The following RANBP10 variants were observed in gnomAD, a reference collection of about 807,000 sequenced individuals.
The protein encoded by RANBP10 is RAN binding protein 10, also known as ran-binding protein 10.
A neutral mutation model predicts 72.8 loss-of-function variants in RANBP10; 24 were observed. The observed-to-expected ratio is 0.33, with a 90% CI of 0.24 to 0.46. RANBP10 has a LOEUF of 0.46. RANBP10 is among the 20% of genes least tolerant of loss of function. RANBP10 has a pLI of 1.00. For missense variants in RANBP10, 679 were observed against 817.5 expected, an observed-to-expected ratio of 0.83 and a Z score of 2.07; for synonymous variants, 310 against 322.3, an observed-to-expected ratio of 0.96 and a Z score of 0.41.
chr16:67,781,311 A>G (rs1053218854), intron 2 of RANBP10, among the ~76,000 whole-genome samples: 6 of 152,218 alleles, frequency 3.9e-5, no homozygotes, highest in African/African-American at 9.6e-5. Flanking sequence ...AAGGAGGTGA[A>G]TATTTGCTTC....
chr16:67,774,620 C>T (rs1040605466), intron 2 of RANBP10, among the ~76,000 whole-genome samples: 1 of 152,160 alleles, frequency 6.6e-6, no homozygotes, highest in Non-Finnish European at 1.5e-5. Flanking sequence ...GAAGCTGACA[C>T]CCACATTTGG....
intron 5 of RANBP10, 78 bp from the exon 6 acceptor site, chr16:67,735,120 T>C (rs1312278732): frequency 1.5e-6 from 2 of 1,345,752 alleles, no homozygotes; most frequent in South Asian, 1.5e-5. Flanking sequence ...CCATGGCTGC[T>C]GCTGGCCCAT....
intron 2 of RANBP10, among the ~76,000 whole-genome samples, chr16:67,789,519 G>C (rs111721260): frequency 0.08 from 12,054 of 151,332 alleles, 665 homozygotes; most frequent in Admixed American, 0.11. Flanking sequence ...GCCTAGGCTG[G>C]AGTGCAATGG....
intron 2 of RANBP10, among the ~76,000 whole-genome samples, chr16:67,786,863 G>C (rs2054926118): frequency 6.6e-6 from 1 of 151,858 alleles, no homozygotes; most frequent in Non-Finnish European, 1.5e-5. Context: ...GGAGGTGGTG[G>C]TTGAAGTGAG....
intron 3 of RANBP10, among the ~76,000 whole-genome samples, chr16:67,755,578 G>A (rs559420318): frequency 1.3e-5 from 2 of 151,546 alleles, no homozygotes; most frequent in South Asian, 4.2e-4. Flanking sequence ...CAGCTGCTCG[G>A]AAGGCTGAGG....
intron 3 of RANBP10, among the ~76,000 whole-genome samples, chr16:67,750,763 T>A (rs2054179706): frequency 7.2e-6 from 1 of 138,128 alleles, no homozygotes; most frequent in Non-Finnish European, 1.6e-5. Flanking sequence ...TTCACTTTCT[T>A]TTTTTTTTTT....
At chr16:67,734,126 C>T (rs1301397586) in intron 6 of RANBP10, among the ~76,000 whole-genome samples, 1 of 152,232 alleles carries the variant, frequency 6.6e-6, no homozygotes, top group East Asian at 1.9e-4. Flanking sequence ...ACCCCAACCC[C>T]ACCCCAGGAA....
chr16:67,778,913 C>G, intron 2 of RANBP10, among the ~76,000 whole-genome samples: 1 of 151,146 alleles, frequency 6.6e-6, no homozygotes, highest in African/African-American at 2.4e-5. Context: ...AGCAACATGG[C>G]AAAACCCCAT....
intron 3 of RANBP10, among the ~76,000 whole-genome samples, chr16:67,753,142 A>AAGT (rs2054227253): frequency 6.6e-6 from 1 of 151,422 alleles, no homozygotes; most frequent in Non-Finnish European, 1.5e-5. Context: ...ACAGGAGGCT[A>AAGT]AGTTGGGAAG....
chr16:67,733,121 T>C (rs1391986597), intron 6 of RANBP10, among the ~76,000 whole-genome samples: 4 of 151,636 alleles, frequency 2.6e-5, no homozygotes, highest in African/African-American at 9.7e-5. Flanking sequence ...TCTCAACACT[T>C]TGGGAGGCCG....
rs753031518 is a variant in RANBP10, at chr16:67,741,124, C to T, written c.569-3089G>A. The stretch of plus-strand genomic sequence containing the variant: ...AAAAAAAGAGATAATATCGATATCT[C>T]GACTTCAAGGAAAAAGGGAGAAAAT... On this transcript the variant is annotated intron_variant, in intron 4 of 13. Transcript: ENST00000317506. 3.3e-5 allele frequency among the ~76,000 whole-genome samples: 5 copies of T among 152,118 alleles called. No homozygotes were observed. The South Asian group carries it at 6.2e-4, about 19-fold the overall frequency.
At chr16:67,765,079 G>A (rs1234140210) in intron 3 of RANBP10, among the ~76,000 whole-genome samples, 1 of 152,098 alleles carries the variant, frequency 6.6e-6, no homozygotes, top group Middle Eastern at 3.4e-3. Flanking sequence ...GCTCATGCCT[G>A]TAAACCCAGC....
At chr16:67,804,972 G>T (rs1396241980) in intron 2 of RANBP10, among the ~76,000 whole-genome samples, 1 of 152,034 alleles carries the variant, frequency 6.6e-6, no homozygotes, top group African/African-American at 2.4e-5. Context: ...ATGACAGGCC[G>T]GTGGCCACAG....
chr16:67,779,948 T>G (rs937062148), intron 2 of RANBP10, among the ~76,000 whole-genome samples: 1 of 152,112 alleles, frequency 6.6e-6, no homozygotes, highest in African/African-American at 2.4e-5. Flanking sequence ...AACAGCAGAA[T>G]GTGGGCCAGG....
intron 10 of RANBP10, among the ~76,000 whole-genome samples, chr16:67,728,979 C>A (rs1232706986): frequency 6.6e-6 from 1 of 152,270 alleles, no homozygotes; most frequent in Non-Finnish European, 1.5e-5. Context: ...CCAGGGAAAG[C>A]TCCCTCATGA....
chr16:67,745,856 A>G (rs2054063601), intron 3 of RANBP10, among the ~76,000 whole-genome samples: 1 of 151,910 alleles, frequency 6.6e-6, no homozygotes, highest in Non-Finnish European at 1.5e-5. Context: ...CCTCATCTCT[A>G]TAAAAAATTT....
intron 2 of RANBP10, among the ~76,000 whole-genome samples, chr16:67,784,754 G>A (rs9933145): frequency 0.032 from 4,860 of 152,106 alleles, 221 homozygotes; most frequent in African/African-American, 0.1. Flanking sequence ...GGGAGGCGGA[G>A]GTTGCAGTAA....
At position 67,744,449 on chromosome 16, in the gene RANBP10, T is replaced by C. The variant is rs2054030050; in HGVS notation, c.407A>G (p.Asp136Gly). ...GVNMNRLPGW[D>G]KHSYGYHGDD... ...ACCATGGTAACCATAGGAATGTTTG[T>C]CCCAACCTGTGGGGGAAGAGAGCAG... The change falls in exon 4 of 14, where the codon GAC (aspartate) becomes GGC (glycine). Residue 136 changes from aspartate (D) to glycine (G), a missense_variant. Coordinates refer to ENST00000317506, the MANE Select transcript of RANBP10 (RefSeq NM_020850.3). The C allele has an allele frequency of 1.2e-6, 2 of 1,612,722 alleles. No individual in the cohort carries two copies. Among genetic ancestry groups the C allele is most frequent in the Non-Finnish European group, 1.7e-6 (2 of 1,179,142 alleles).
rs1322169563 is a variant in RANBP10, at chr16:67,805,933, TG to T, written c.235+368del. 2.6e-5 allele frequency among the ~76,000 whole-genome samples: 4 copies of T among 152,300 alleles called. No homozygotes were observed. In the East Asian group the frequency reaches 7.7e-4, roughly 29 times the overall value. ...GGCTCAGTCTAGGATGCCTGGCAGG[TG>T]GGGAAGCCCATGAGTCTCACGCTAA... On this transcript the variant is annotated intron_variant, in intron 1 of 13. Transcript: ENST00000317506.
Sources: gnomAD v4.1 joint callset for allele counts (sites outside exome capture counted in the v4.1 genomes callset) on GRCh38, gnomAD v4.1.1 for gene constraint, MANE v1.5 for transcripts, NCBI Gene and HGNC (gene_info 2026-07-23, HGNC 2026-07-21) for gene names.